The following COL26A1 variants were observed in gnomAD, a reference collection of about 807,000 sequenced individuals.
COL26A1 encodes collagen type XXVI alpha 1 chain.
A neutral mutation model predicts 59.3 loss-of-function variants in COL26A1; 41 were observed. The ratio of observed to expected loss-of-function variants is 0.69; its 90% confidence interval spans 0.54 to 0.90. The LOEUF (loss-of-function observed/expected upper bound fraction) is 0.90. COL26A1 is among the 40% of genes least tolerant of loss of function. The pLI is 0.00. For missense variants in COL26A1, 612 were observed against 602.3 expected (o/e 1.02, Z -0.17); for synonymous variants, 266 against 256.0 (o/e 1.04, Z -0.37).
At chr7:101,431,600 T>C (rs1188212030) in intron 2 of COL26A1, among the ~76,000 whole-genome samples, 2 of 152,136 alleles carry the variant, frequency 1.3e-5, no homozygotes, top group African/African-American at 2.4e-5. Context: ...TTAAGGAAGT[T>C]TTCCTCTTAC....
intron 3 of COL26A1, among the ~76,000 whole-genome samples, chr7:101,482,340 G>T (rs1794174490): frequency 6.6e-6 from 1 of 152,092 alleles, no homozygotes; most frequent in South Asian, 2.1e-4. Flanking sequence ...ATGTTTTTAT[G>T]TAGCTCAGCA....
chr7:101,451,180 A>T (rs990360273), intron 3 of COL26A1, among the ~76,000 whole-genome samples: 13 of 142,890 alleles, frequency 9.1e-5, no homozygotes, highest in Non-Finnish European at 2.0e-4. Context: ...TGTAATATAT[A>T]TCTCAATAAT....
rs17135611 is a variant in COL26A1 at position 101,546,223 on chromosome 7, C to T, written c.856+733C>T. ...GAGCATCATTTCTGGTTAAGTGTCC[C>T]GGCAACTGGGGAAGATTTTTACTTT... On this transcript the variant is annotated intron_variant, in intron 7 of 12. Coordinates refer to ENST00000313669, the MANE Select transcript of COL26A1 (RefSeq NM_001278563.3). 5.9e-3 allele frequency among the ~76,000 whole-genome samples: 894 copies of T among 152,110 alleles called. 4 individuals are homozygous for T. Among genetic ancestry groups the T allele is most frequent in the African/African-American group, 0.02 (830 of 41,488 alleles).
At chr7:101,425,040 A>G (rs1792610470) in intron 2 of COL26A1, among the ~76,000 whole-genome samples, 1 of 152,008 alleles carries the variant, frequency 6.6e-6, no homozygotes, top group Admixed American at 6.6e-5. Context: ...CTTCTGCCTC[A>G]GCCTCCTGAG....
At chr7:101,496,894 A>G (rs1291244650) in intron 3 of COL26A1, among the ~76,000 whole-genome samples, 1 of 151,738 alleles carries the variant, frequency 6.6e-6, no homozygotes, top group Non-Finnish European at 1.5e-5. Flanking sequence ...AAAAAAAAAA[A>G]AAAGAATTCA....
chr7:101,401,444 G>A (rs930322457), intron 1 of COL26A1, among the ~76,000 whole-genome samples: 2 of 151,680 alleles, frequency 1.3e-5, no homozygotes, highest in African/African-American at 4.8e-5. Context: ...AGAAGGAAGA[G>A]AAAGAGGAGA....
intron 3 of COL26A1, among the ~76,000 whole-genome samples, chr7:101,472,218 C>G (rs552817831): frequency 6.6e-6 from 1 of 152,158 alleles, no homozygotes; most frequent in East Asian, 1.9e-4. Context: ...CGTTGCCAGG[C>G]TGGTCTGGAA....
chr7:101,553,611 G>T (rs760279595), intron 11 of COL26A1, among the ~76,000 whole-genome samples: 8 of 152,140 alleles, frequency 5.3e-5, no homozygotes, highest in African/African-American at 1.7e-4. Flanking sequence ...TGCCACAGAG[G>T]GGGTGATTGG....
At chr7:101,401,570 G>A (rs955782785) in intron 1 of COL26A1, among the ~76,000 whole-genome samples, 20 of 136,574 alleles carry the variant, frequency 1.5e-4, no homozygotes, top group African/African-American at 5.1e-4. Context: ...AGAAGAGAAA[G>A]AGGAGGAGGA....
intron 1 of COL26A1, among the ~76,000 whole-genome samples, chr7:101,417,467 C>T (rs1792397947): frequency 6.7e-6 from 1 of 149,472 alleles, no homozygotes; most frequent in Non-Finnish European, 1.5e-5. Flanking sequence ...CCATACCTAC[C>T]TTAGGACAGG....
intron 2 of COL26A1, among the ~76,000 whole-genome samples, chr7:101,434,512 T>G (rs1792868187): frequency 6.6e-6 from 1 of 152,074 alleles, no homozygotes; most frequent in Non-Finnish European, 1.5e-5. Context: ...TCCTCCCGCC[T>G]CTATCTCTCA....
intron 2 of COL26A1, among the ~76,000 whole-genome samples, chr7:101,446,553 A>G (rs1793199465): frequency 1.3e-5 from 2 of 152,138 alleles, no homozygotes; most frequent in African/African-American, 2.4e-5. Flanking sequence ...GGGAATTGCA[A>G]TAGAGAAAGA....
intron 2 of COL26A1, among the ~76,000 whole-genome samples, chr7:101,420,773 T>C (rs1322481144): frequency 7.5e-6 from 1 of 133,122 alleles, no homozygotes; most frequent in African/African-American, 2.9e-5. Context: ...CCCCTCCCTC[T>C]CACCAGCCCC....
intron 3 of COL26A1, among the ~76,000 whole-genome samples, chr7:101,489,787 T>G (rs927468832): frequency 2.6e-3 from 5 of 1,928 alleles, no homozygotes; most frequent in Admixed American, 0.018. Flanking sequence ...TCTTTCTTTC[T>G]TTCTTTCTTT....
chr7:101,436,849 G>A (rs1357707772), intron 2 of COL26A1, among the ~76,000 whole-genome samples: 1 of 152,082 alleles, frequency 6.6e-6, no homozygotes, highest in African/African-American at 2.4e-5. Flanking sequence ...CTGAGTAGCT[G>A]GGATTCCAGG....
intron 3 of COL26A1, among the ~76,000 whole-genome samples, chr7:101,471,571 G>GTTTTTT (rs71517177): frequency 1.6e-4 from 15 of 93,014 alleles, no homozygotes; most frequent in African/African-American, 3.5e-4. Context: ...GTTGTTGTTT[G>GTTTTTT]TTTTTTTTTT....
At chr7:101,454,600 A>G (rs1793426163) in intron 3 of COL26A1, among the ~76,000 whole-genome samples, 1 of 151,992 alleles carries the variant, frequency 6.6e-6, no homozygotes. Flanking sequence ...TAGTTTTTGC[A>G]TCTTTCTGCC....
intron 1 of COL26A1, among the ~76,000 whole-genome samples, 184 bp from the exon 2 acceptor site, chr7:101,419,793 G>A (rs185945880): frequency 1.7e-4 from 26 of 152,326 alleles, no homozygotes; most frequent in Non-Finnish European, 1.5e-4. Context: ...TGGTGGCCAA[G>A]GGTTGCAAGT....
At chr7:101,422,490 G>A (rs188970194) in intron 2 of COL26A1, among the ~76,000 whole-genome samples, 48 of 150,702 alleles carry the variant, frequency 3.2e-4, no homozygotes, top group African/African-American at 1.1e-3. Context: ...TGCCTTTCTC[G>A]TCAGCAGGGA....
Sources: allele counts gnomAD v4.1 joint callset (sites outside exome capture counted in the v4.1 genomes callset), GRCh38; gene constraint gnomAD v4.1.1; transcripts MANE v1.5; gene names NCBI Gene and HGNC (gene_info 2026-07-23, HGNC 2026-07-21).